The following FANCL variants were observed in gnomAD, a reference collection of about 807,000 sequenced individuals.
FANCL encodes FA complementation group L, also known as E3 ubiquitin-protein ligase FANCL.
Under a neutral mutation model 59.4 loss-of-function variants are expected in FANCL, and 69 were observed. That is an observed-to-expected ratio of 1.16 (90% CI 0.96 to 1.42). FANCL has a LOEUF of 1.42. Ranked by LOEUF, FANCL falls within the 40% of genes most tolerant of loss-of-function variation. The pLI is 0.00. For missense variants in FANCL, 519 were observed against 447.2 expected, an observed-to-expected ratio of 1.16 and a Z score of -1.45; for synonymous variants, 180 against 147.1, an observed-to-expected ratio of 1.22 and a Z score of -1.62.
At chr2:58,221,328 C>A (rs767602826) in intron 5 of FANCL, among the ~76,000 whole-genome samples, 2 of 152,072 alleles carry the variant, frequency 1.3e-5, no homozygotes, top group African/African-American at 2.4e-5. Context: ...AATTCAGAAA[C>A]TGAATAGCAA....
intron 1 of FANCL, among the ~76,000 whole-genome samples, chr2:58,234,028 C>T (rs1356116087): frequency 6.6e-6 from 1 of 151,984 alleles, no homozygotes; most frequent in Non-Finnish European, 1.5e-5. Flanking sequence ...ATAAAATACC[C>T]AACAGAAGAG....
At chr2:58,186,524 G>C (rs1688418553) in intron 7 of FANCL, among the ~76,000 whole-genome samples, 1 of 152,208 alleles carries the variant, frequency 6.6e-6, no homozygotes, top group Non-Finnish European at 1.5e-5. Flanking sequence ...TTTCAAGCTG[G>C]TTATTGTAGT....
At chr2:58,225,466 G>C (rs961888754) in intron 4 of FANCL, among the ~76,000 whole-genome samples, 1 of 151,938 alleles carries the variant, frequency 6.6e-6, no homozygotes, top group Non-Finnish European at 1.5e-5. Flanking sequence ...TGAAACATTA[G>C]ATACAGGCAA....
intron 1 of FANCL, 151 bp downstream of exon 1, chr2:58,241,067 T>A (rs1694493160): frequency 1.3e-6 from 1 of 764,688 alleles, no homozygotes; most frequent in Non-Finnish European, 2.2e-6. Context: ...GCGGCGCTTC[T>A]CAAACCTTTA....
At chr2:58,221,429 TCA>T (rs1030036121) in intron 5 of FANCL, among the ~76,000 whole-genome samples, 27 of 152,156 alleles carry the variant, frequency 1.8e-4, no homozygotes, top group African/African-American at 6.5e-4. Context: ...TCTTTATGCA[TCA>T]GTTTTAAAAA....
At chr2:58,197,367 C>T (rs1219454795) in intron 7 of FANCL, among the ~76,000 whole-genome samples, 1 of 151,958 alleles carries the variant, frequency 6.6e-6, no homozygotes, top group East Asian at 1.9e-4. Context: ...AATTTTATAG[C>T]CAAAATGAGT....
rs556399951 is a variant in FANCL at position 58,238,328 on chromosome 2, A to G, written c.96+2890T>C. Reference sequence around the variant, plus strand: ...GATTGCAAGATCATGAGAGATTTTGATCAAGAACTACCATCCAAGTTGTTC... The same window carrying G: ...GATTGCAAGATCATGAGAGATTTTGGTCAAGAACTACCATCCAAGTTGTTC... On this transcript the variant is annotated intron_variant, in intron 1 of 13. Coordinates refer to ENST00000233741, the MANE Select transcript of FANCL (RefSeq NM_018062.4). Among the ~76,000 whole-genome samples, 41 of 152,340 alleles carry G rather than the reference A, an allele frequency of 2.7e-4. 2 individuals carry two copies. In the South Asian group the frequency reaches 7.5e-3, roughly 28 times the overall value.
At chr2:58,162,338 G>A (rs1685312559) in intron 11 of FANCL, among the ~76,000 whole-genome samples, 2 of 151,910 alleles carry the variant, frequency 1.3e-5, no homozygotes, top group South Asian at 2.1e-4. Flanking sequence ...AACAGACTAT[G>A]TAGAAAAGCC....
At chr2:58,197,463 C>T (rs1689546055) in intron 7 of FANCL, among the ~76,000 whole-genome samples, 1 of 152,058 alleles carries the variant, frequency 6.6e-6, no homozygotes, top group Admixed American at 6.6e-5. Context: ...CTCCATTTTG[C>T]TATCAACTGC....
At chr2:58,203,190 T>A (rs1338946786) in intron 6 of FANCL, among the ~76,000 whole-genome samples, 1 of 151,942 alleles carries the variant, frequency 6.6e-6, no homozygotes, top group African/African-American at 2.4e-5. Flanking sequence ...TACATACATA[T>A]TCTGTGTGTG....
intron 11 of FANCL, 86 bp downstream of exon 11, chr2:58,162,780 T>C: frequency 2.5e-6 from 3 of 1,221,078 alleles, no homozygotes; most frequent in Admixed American, 3.5e-5. Context: ...ATTCCCTCCT[T>C]TTTCAGCCTC....
In FANCL at chr2:58,160,075, C is replaced by T. The variant is rs533911686; in HGVS notation, c.1092+33G>A. 39 of 1,609,988 alleles carry T rather than the reference C, an allele frequency of 2.4e-5. No individual in the cohort carries two copies. The East Asian group carries it at 8.0e-4, about 33-fold the overall frequency. On this transcript the variant is annotated intron_variant, in intron 13 of 13. Coordinates refer to ENST00000233741, the MANE Select transcript of FANCL (RefSeq NM_018062.4). ...AGAACATATTACTGAAAGCTAGGCA[C>T]ATTTTATGAGATGTGATTAACAATT... is the stretch of plus-strand genomic sequence containing the variant.
intron 6 of FANCL, among the ~76,000 whole-genome samples, chr2:58,203,461 G>T (rs1002397666): frequency 6.6e-6 from 1 of 151,456 alleles, no homozygotes; most frequent in African/African-American, 2.4e-5. Context: ...TGTTTCTCCA[G>T]TGATTACTAG....
chr2:58,204,223 A>T lies in FANCL; in HGVS notation c.378T>A (p.Leu126=), dbSNP rs746200741. The change falls in exon 6 of 14, where the codon CTT becomes CTA. Residue 126 remains leucine, a synonymous_variant. Coordinates refer to ENST00000233741, the MANE Select transcript of FANCL (RefSeq NM_018062.4). The stretch of plus-strand genomic sequence containing the variant: ...TACTGAAGCAGGTATCCGCATACAC[A>T]AGTCTGGTGAGCAGAGGAGAATAAA... The part of the protein sequence containing the change: ...EEIGTLGWDK[L]VYADTCFSTI... 6 of 1,612,090 alleles carry T rather than the reference A, an allele frequency of 3.7e-6. No individual in the cohort carries two copies. Among genetic ancestry groups the T allele is most frequent in the Non-Finnish European group, 5.1e-6 (6 of 1,178,288 alleles).
intron 7 of FANCL, among the ~76,000 whole-genome samples, chr2:58,190,760 T>TTTAA (rs916623483): frequency 1.3e-5 from 2 of 151,948 alleles, no homozygotes; most frequent in Non-Finnish European, 2.9e-5. Context: ...AGTGACATCA[T>TTTAA]TTAATTAATT....
intron 7 of FANCL, among the ~76,000 whole-genome samples, chr2:58,193,202 A>G (rs1192573585): frequency 6.6e-6 from 1 of 152,058 alleles, no homozygotes; most frequent in African/African-American, 2.4e-5. Flanking sequence ...AGTAATTCTA[A>G]GAATTATTTG....
intron 7 of FANCL, among the ~76,000 whole-genome samples, chr2:58,175,054 G>A (rs1219943449): frequency 3.3e-5 from 5 of 151,466 alleles, no homozygotes; most frequent in Non-Finnish European, 5.9e-5. Flanking sequence ...TAAATTCCTC[G>A]ACACATACTC....
Position 58,205,771 on chromosome 2 carries a change from TGCAGTGTTCA to T in FANCL, c.375-1555_375-1546del, listed in dbSNP as rs202137980. 6.8e-3 allele frequency among the ~76,000 whole-genome samples: 1,040 copies of T among 152,084 alleles called. 2 individuals carry two copies. Among genetic ancestry groups the T allele is most frequent in the Non-Finnish European group, 0.012 (796 of 67,940 alleles). ...TCCAGGCAGAAACAGCTGGCAAAAA[TGCAGTGTTCA>T]GGATAGAGAGTATGACTGATATACT... On this transcript the variant is annotated intron_variant, in intron 5 of 13. Transcript: ENST00000233741.
intron 1 of FANCL, among the ~76,000 whole-genome samples, chr2:58,235,645 C>A (rs556653315): frequency 2.6e-5 from 4 of 152,018 alleles, no homozygotes; most frequent in African/African-American, 9.6e-5. Flanking sequence ...ACATATATTT[C>A]CTGCAAAGAA....
Sources: gnomAD v4.1 joint callset for allele counts (sites outside exome capture counted in the v4.1 genomes callset) on GRCh38, gnomAD v4.1.1 for gene constraint, MANE v1.5 for transcripts, NCBI Gene and HGNC (gene_info 2026-07-23, HGNC 2026-07-21) for gene names.